Variants in PRKCA observed in about 807,000 individuals in gnomAD.
PRKCA encodes the protein protein kinase C alpha type.
Under a neutral mutation model 87.0 loss-of-function variants are expected in PRKCA, and 27 were observed. That is an observed-to-expected ratio of 0.31 (90% CI 0.23 to 0.43). PRKCA has a LOEUF of 0.43. PRKCA is among the 20% of genes least tolerant of loss of function. The pLI is 1.00. For missense variants in PRKCA, 518 were observed against 852.3 expected, an observed-to-expected ratio of 0.61 and a Z score of 4.88; for synonymous variants, 329 against 311.1, an observed-to-expected ratio of 1.06 and a Z score of -0.61.
Position 66,566,479 on chromosome 17 carries a change from G to GTTTTTTTTTTTTTTTTTTTTT in PRKCA, c.288+70196_288+70197insTTTTTTTTTTTTTTTTTTTTT, listed in dbSNP as rs368602635. 1.5e-4 allele frequency among the ~76,000 whole-genome samples: 11 copies of GTTTTTTTTTTTTTTTTTTTTT among 74,702 alleles called. 1 individual carries two copies. Among genetic ancestry groups the GTTTTTTTTTTTTTTTTTTTTT allele is most frequent in the African/African-American group, 1.9e-4 (4 of 21,392 alleles). The allele number at this position is 74,702 out of a possible 152,430, so 49.0% of individuals were successfully genotyped here. ...TTGTGAAGAACTGTTGTTGTTTTTT[G>GTTTTTTTTTTTTTTTTTTTTT]GTTTTTTTTTTTTTTTTTTTTTTGC... On this transcript the variant is annotated intron_variant, in intron 3 of 16. Coordinates refer to ENST00000413366, the MANE Select transcript of PRKCA (RefSeq NM_002737.3).
At chr17:66,423,044 G>C (rs923075748) in intron 2 of PRKCA, among the ~76,000 whole-genome samples, 1 of 152,120 alleles carries the variant, frequency 6.6e-6, no homozygotes, top group African/African-American at 2.4e-5. Context: ...CAGGGAGGTG[G>C]AGGTTGCAGT....
chr17:66,737,153 C>T (rs528246652), intron 10 of PRKCA, among the ~76,000 whole-genome samples: 3 of 150,302 alleles, frequency 2.0e-5, no homozygotes, highest in South Asian at 2.1e-4. Context: ...GAGATCGAGA[C>T]CATCCTGGCT....
chr17:66,685,987 A>G (rs919253588), intron 5 of PRKCA, among the ~76,000 whole-genome samples: 2 of 152,054 alleles, frequency 1.3e-5, no homozygotes, highest in African/African-American at 4.8e-5. Flanking sequence ...CACTGTGGGA[A>G]CCACTGAATC....
chr17:66,798,528 TGATGGTGGTGAC>T (rs1250385225), intron 16 of PRKCA, among the ~76,000 whole-genome samples: 1 of 44,006 alleles, frequency 2.3e-5, no homozygotes, highest in Non-Finnish European at 4.3e-5. Context: ...ACGGTGGTGG[TGATGGTGGTGAC>T]GGTGGTGGTG....
intron 5 of PRKCA, among the ~76,000 whole-genome samples, chr17:66,654,727 T>C (rs1391029407): frequency 6.6e-6 from 1 of 152,232 alleles, no homozygotes; most frequent in African/African-American, 2.4e-5. Context: ...TTGGCACCAC[T>C]GGGGGTGAGG....
Position 66,446,789 on chromosome 17 carries a change from T to A in PRKCA, c.206-49412T>A, listed in dbSNP as rs374136543. 6.6e-5 allele frequency among the ~76,000 whole-genome samples: 10 copies of A among 152,294 alleles called. No homozygotes were observed. The East Asian group carries it at 9.6e-4, about 15-fold the overall frequency. On this transcript the variant is annotated intron_variant, in intron 2 of 16. Transcript: ENST00000413366. The stretch of plus-strand genomic sequence containing the variant: ...CCCTGGGCTGCAGTGGAAGAGGATC[T>A]TGGGGCCCTAGTGATCCCCTAGATC...
chr17:66,704,772 A>G (rs182537266), intron 8 of PRKCA, among the ~76,000 whole-genome samples: 67 of 152,364 alleles, frequency 4.4e-4, no homozygotes, highest in African/African-American at 1.5e-3. Flanking sequence ...ACAAATTAAT[A>G]TGATCCAATT....
intron 2 of PRKCA, among the ~76,000 whole-genome samples, chr17:66,354,490 G>T (rs1036224011): frequency 1.3e-5 from 2 of 152,134 alleles, no homozygotes; most frequent in Admixed American, 6.6e-5. Context: ...TGTAAGTCTG[G>T]TCTCTGTCAT....
At chr17:66,667,117 C>G (rs550111238) in intron 5 of PRKCA, among the ~76,000 whole-genome samples, 1 of 152,178 alleles carries the variant, frequency 6.6e-6, no homozygotes, top group Non-Finnish European at 1.5e-5. Context: ...CCGAAGGTCC[C>G]TGCCCAGTCC....
chr17:66,385,727 A>G (rs779737044), intron 2 of PRKCA, among the ~76,000 whole-genome samples: 49 of 152,106 alleles, frequency 3.2e-4, no homozygotes, highest in South Asian at 1.0e-3. Flanking sequence ...ACAAAATAAA[A>G]ATAATACTTG....
At chr17:66,682,126 C>T (rs1276646391) in intron 5 of PRKCA, among the ~76,000 whole-genome samples, 1 of 152,180 alleles carries the variant, frequency 6.6e-6, no homozygotes, top group African/African-American at 2.4e-5. Context: ...CTCTAAAACT[C>T]TCATGTCCTG....
rs1489231278 is a variant in PRKCA, at chr17:66,626,798, C to T, written c.289-14557C>T. On this transcript the variant is annotated intron_variant, in intron 3 of 16. Transcript: ENST00000413366. ...CTGGGATTACAGGCATGAGCCATCGCGCCCTGCCATTTTTTCTTTTAAATG... is the reference window on the plus strand; with the variant it reads ...CTGGGATTACAGGCATGAGCCATCGTGCCCTGCCATTTTTTCTTTTAAATG... Among the ~76,000 whole-genome samples, 13 of 152,290 alleles carry T rather than the reference C, an allele frequency of 8.5e-5. No individual in the cohort carries two copies. The East Asian group carries it at 2.1e-3, about 25-fold the overall frequency.
At chr17:66,576,584 C>T (rs1969242737) in intron 3 of PRKCA, among the ~76,000 whole-genome samples, 1 of 152,206 alleles carries the variant, frequency 6.6e-6, no homozygotes, top group Non-Finnish European at 1.5e-5. Flanking sequence ...GCTGAAATTT[C>T]ATTTCTGCTG....
chr17:66,509,905 G>T (rs1326258736), intron 3 of PRKCA, among the ~76,000 whole-genome samples: 1 of 151,154 alleles, frequency 6.6e-6, no homozygotes, highest in African/African-American at 2.4e-5. Flanking sequence ...AAGAGCGAAT[G>T]AATGGAAAAA....
chr17:66,755,889 T>A (rs1974536378), intron 13 of PRKCA, among the ~76,000 whole-genome samples: 1 of 151,962 alleles, frequency 6.6e-6, no homozygotes, highest in African/African-American at 2.4e-5. Context: ...CTAGAGCCAT[T>A]GGAAAAATGA....
At chr17:66,362,828 G>A (rs1335751723) in intron 2 of PRKCA, among the ~76,000 whole-genome samples, 1 of 152,098 alleles carries the variant, frequency 6.6e-6, no homozygotes, top group Non-Finnish European at 1.5e-5. Flanking sequence ...CCGAGTAGTT[G>A]GGATTACAGG....
chr17:66,397,596 A>G (rs1910769187), intron 2 of PRKCA, among the ~76,000 whole-genome samples: 1 of 152,076 alleles, frequency 6.6e-6, no homozygotes, highest in Admixed American at 6.5e-5. Context: ...CCTGGGTCAC[A>G]GGTGGTTTGT....
At chr17:66,742,536 T>C (rs1392483621) in intron 12 of PRKCA, 86 bp from the exon 13 acceptor site, 13 of 1,408,622 alleles carry the variant, frequency 9.2e-6, no homozygotes, top group Non-Finnish European at 1.3e-5. Flanking sequence ...CTGACAGGTA[T>C]TCAGATATCC....
intron 2 of PRKCA, among the ~76,000 whole-genome samples, chr17:66,335,326 G>T (rs916689300): frequency 2.0e-5 from 3 of 151,878 alleles, no homozygotes; most frequent in African/African-American, 7.3e-5. Flanking sequence ...GTGGAGACGA[G>T]GTGTGACTAT....
Sources: allele counts gnomAD v4.1 joint callset (sites outside exome capture counted in the v4.1 genomes callset), GRCh38; gene constraint gnomAD v4.1.1; transcripts MANE v1.5; gene names NCBI Gene and HGNC (gene_info 2026-07-23, HGNC 2026-07-21).